The following KCTD9 variants were observed in gnomAD, a reference collection of about 807,000 sequenced individuals.
The protein encoded by KCTD9 is BTB/POZ domain-containing protein KCTD9.
A neutral mutation model predicts 53.3 loss-of-function variants in KCTD9; 17 were observed. The observed-to-expected ratio is 0.32, with a 90% CI of 0.22 to 0.48. The LOEUF is 0.48. KCTD9 is among the 20% of genes least tolerant of loss of function. KCTD9 has a pLI of 0.99. For synonymous variants in KCTD9, 128 were observed against 162.7 expected, an observed-to-expected ratio of 0.79 and a Z score of 1.62; for missense variants, 179 against 465.5, an observed-to-expected ratio of 0.38 and a Z score of 5.66.
At chr8:25,453,141 T>TC (rs771098519) in intron 1 of KCTD9, among the ~76,000 whole-genome samples, 5 of 152,046 alleles carry the variant, frequency 3.3e-5, no homozygotes, top group Non-Finnish European at 5.9e-5. Context: ...GGCGGGCAGA[T>TC]CAGGAGGTCA....
chr8:25,440,713 T>C (rs994691048), intron 3 of KCTD9, 40 bp from the exon 4 acceptor site: 1 of 1,344,676 alleles, frequency 7.4e-7, no homozygotes, highest in Non-Finnish European at 1.1e-6. Context: ...ATATTAAGAT[T>C]GGGGATTCTG....
At chr8:25,457,401 T>C (rs962739575) in intron 1 of KCTD9, 10 of 984,774 alleles carry the variant, frequency 1.0e-5, no homozygotes, top group African/African-American at 1.7e-5. Flanking sequence ...AGAACAACTT[T>C]CATGGGTGGG....
rs148948509 is a variant in KCTD9 at position 25,439,384 on chromosome 8, G to C, written c.394C>G (p.His132Asp). The C allele has an allele frequency of 8.3e-5, 134 of 1,612,124 alleles. 1 individual carries two copies. The highest frequency in any genetic ancestry group is 8.6e-5 in the Non-Finnish European group (101 of 1,179,456). Residue 132 changes from histidine (H) to aspartate (D), a missense_variant, in exon 6 of 12, where the codon CAT (histidine) becomes GAT (aspartate). This residue lies in a region of KCTD9 where 115 missense variants were observed against 250.9 expected (regional missense o/e 0.46). Coordinates refer to ENST00000221200, the MANE Select transcript of KCTD9 (RefSeq NM_017634.4). ...DKGVWGNKQDHRGAFLIDRSP... is the reference protein window; with the variant it reads ...DKGVWGNKQDDRGAFLIDRSP... ...CGGTCAATTAAGAAAGCTCCTCTAT[G>C]ATCTTGCTTATTTCCCCAGACACCT...
In KCTD9 at chr8:25,439,265, C is replaced by A. The variant is rs1488691310; in HGVS notation, c.499+14G>T. On this transcript the variant is annotated intron_variant, in intron 6 of 11. Coordinates refer to ENST00000221200, the MANE Select transcript of KCTD9 (RefSeq NM_017634.4). Reference sequence around the variant, plus strand: ...GTAGTTACATAATTATATTGAAAGTCTAAATAAACTCACCCAATAAATTAA... The same window carrying A: ...GTAGTTACATAATTATATTGAAAGTATAAATAAACTCACCCAATAAATTAA... The A allele has an allele frequency of 7.6e-6, 12 of 1,571,226 alleles. No homozygotes were observed. Among genetic ancestry groups the A allele is most frequent in the Middle Eastern group, 2.3e-4 (1 of 4,390 alleles).
chr8:25,446,010 G>A, intron 2 of KCTD9, 119 bp downstream of exon 2: 4 of 1,305,936 alleles, frequency 3.1e-6, no homozygotes, highest in African/African-American at 1.5e-5. Flanking sequence ...CAAATTCTAG[G>A]TAAACACTTG....
intron 3 of KCTD9, among the ~76,000 whole-genome samples, chr8:25,441,343 A>T (rs1457415407): frequency 1.3e-5 from 2 of 152,186 alleles, no homozygotes; most frequent in African/African-American, 4.8e-5. Flanking sequence ...TCAAGTTAAG[A>T]AAAACTAATT....
At chr8:25,446,044 T>C (rs901494536) in intron 2 of KCTD9, 85 bp downstream of exon 2, 2 of 1,519,270 alleles carry the variant, frequency 1.3e-6, no homozygotes, top group African/African-American at 2.8e-5. Context: ...CTCTTAACAG[T>C]GATTAAATTA....
At position 25,430,194 on chromosome 8, in the gene KCTD9, A is replaced by T. The variant is rs186100331; in HGVS notation, c.1054-221T>A. Among the ~76,000 whole-genome samples, 6 of 152,336 alleles carry T rather than the reference A, an allele frequency of 3.9e-5. No individual in the cohort carries two copies. The East Asian group carries it at 9.6e-4, about 24-fold the overall frequency. On this transcript the variant is annotated intron_variant, in intron 11 of 11. Coordinates refer to ENST00000221200, the MANE Select transcript of KCTD9 (RefSeq NM_017634.4). The stretch of plus-strand genomic sequence containing the variant: ...CTGATCACCATAAATATGTATAAAC[A>T]AAGGTTAAAGAGGAAGCATGTCCCT...
rs1267413808 is a variant in KCTD9 at position 25,439,382 on chromosome 8, A to G, written c.396T>C (p.His132=). ...TTCGGTCAATTAAGAAAGCTCCTCTATGATCTTGCTTATTTCCCCAGACAC... is the reference window on the plus strand; with the variant it reads ...TTCGGTCAATTAAGAAAGCTCCTCTGTGATCTTGCTTATTTCCCCAGACAC... ...DKGVWGNKQD[H]RGAFLIDRSP... is the part of the protein sequence containing the mutation. Residue 132 remains histidine, a synonymous_variant, in exon 6 of 12, where the codon CAT becomes CAC. Coordinates refer to ENST00000221200, the MANE Select transcript of KCTD9 (RefSeq NM_017634.4). 1.9e-6 allele frequency: 3 copies of G among 1,612,874 alleles called. No homozygotes were observed. The highest frequency in any genetic ancestry group is 1.7e-4 in the Middle Eastern group (1 of 6,056).
chr8:25,445,956 C>A, intron 2 of KCTD9, 173 bp downstream of exon 2: 3 of 660,080 alleles, frequency 4.5e-6, no homozygotes, highest in Non-Finnish European at 4.9e-6. Context: ...GGTTTTCTAG[C>A]TGATCAATTC....
rs768784561 is a variant in KCTD9, at chr8:25,446,225, G to C, written c.74C>G (p.Ser25Cys). 6.2e-6 allele frequency: 10 copies of C among 1,613,908 alleles called. No homozygotes were observed. The highest frequency in any genetic ancestry group is 8.5e-6 in the Non-Finnish European group (10 of 1,179,884). The change falls in exon 2 of 12, where the codon TCT (serine) becomes TGT (cysteine). Residue 25 changes from serine (S) to cysteine (C), a missense_variant. Ser to Cys is a moderately radical substitution (Grantham distance 112). Transcript: ENST00000221200. Reference protein sequence around the residue: ...GKVVAVYGTLSDLLSVASSKL... With the variant: ...GKVVAVYGTLCDLLSVASSKL... Reference sequence around the variant, plus strand: ...ACTGCTGGCCACAGAAAGCAAATCAGATAAAGTTCCATATACAGCAACCAC... The same window carrying C: ...ACTGCTGGCCACAGAAAGCAAATCACATAAAGTTCCATATACAGCAACCAC...
intron 3 of KCTD9, among the ~76,000 whole-genome samples, chr8:25,443,152 T>C (rs1022776359): frequency 4.5e-4 from 69 of 152,276 alleles, no homozygotes; most frequent in African/African-American, 1.6e-3. Context: ...TTTTCAATTC[T>C]GTCCACCAAA....
At chr8:25,442,055 G>A (rs1371319607) in intron 3 of KCTD9, among the ~76,000 whole-genome samples, 8 of 151,850 alleles carry the variant, frequency 5.3e-5, no homozygotes. Context: ...AAACATAAAA[G>A]ACAAGTGTAA....
intron 1 of KCTD9, among the ~76,000 whole-genome samples, chr8:25,447,731 C>T (rs1170577467): frequency 6.6e-6 from 1 of 152,072 alleles, no homozygotes; most frequent in Non-Finnish European, 1.5e-5. Context: ...TAAGCGGAAC[C>T]AAGTGCATTA....
chr8:25,451,582 T>A (rs1422101583), intron 1 of KCTD9: 1 of 152,190 alleles, frequency 6.6e-6, no homozygotes, highest in Middle Eastern at 3.2e-3. Flanking sequence ...GAGAAGCATG[T>A]CTATTAAAGT....
At chr8:25,431,943 G>A (rs956633594) in intron 11 of KCTD9, among the ~76,000 whole-genome samples, 3 of 152,054 alleles carry the variant, frequency 2.0e-5, no homozygotes, top group Non-Finnish European at 2.9e-5. Flanking sequence ...AATCTCAAGC[G>A]CTCAATAGCT....
intron 1 of KCTD9, among the ~76,000 whole-genome samples, chr8:25,451,119 A>C (rs968628541): frequency 7.9e-5 from 12 of 152,198 alleles, no homozygotes; most frequent in African/African-American, 2.7e-4. Context: ...TTTCCAACTA[A>C]TCATTCGCAC....
chr8:25,433,329 C>T lies in KCTD9; in HGVS notation c.919+1G>A. The stretch of plus-strand genomic sequence containing the variant: ...ATAGGTATTTACAGAAAGGATCTCA[C>T]CTTCTAAATTGGCTTTAAGACCAGA... On this transcript the variant is annotated splice_donor_variant, in intron 10 of 11. Transcript: ENST00000221200. LOFTEE classifies it high-confidence loss of function. 3 of 1,535,974 alleles carry T rather than the reference C, an allele frequency of 2.0e-6. No homozygotes were observed. The highest frequency in any genetic ancestry group is 2.7e-6 in the Non-Finnish European group (3 of 1,113,112).
At chr8:25,457,352 A>G in intron 1 of KCTD9, 1 of 985,118 alleles carries the variant, frequency 1.0e-6, no homozygotes, top group Non-Finnish European at 1.2e-6. Context: ...GCAACGCAAT[A>G]AATGTCTGCC....
Sources: gnomAD v4.1 joint callset for allele counts (sites outside exome capture counted in the v4.1 genomes callset) on GRCh38, gnomAD v4.1.1 for gene constraint, gnomAD v4.1.1 regional missense constraint, MANE v1.5 for transcripts, NCBI Gene and HGNC (gene_info 2026-07-23, HGNC 2026-07-21) for gene names.